Variants in ACD observed in about 807,000 individuals in gnomAD.
ACD encodes ACD shelterin complex subunit and telomerase recruitment factor, also known as adrenocortical dysplasia protein homolog.
Under a neutral mutation model 53.9 loss-of-function variants are expected in ACD, and 39 were observed. The observed-to-expected ratio is 0.72, with a 90% CI of 0.56 to 0.95. The LOEUF is 0.95. Among genes scored for constraint, ACD ranks in the 40% least tolerant of loss-of-function variants. The probability of loss-of-function intolerance (pLI) is 0.00; values close to 1 mark genes in which losing one functional copy is unlikely to be tolerated. For missense variants in ACD, 526 were observed against 587.9 expected (o/e 0.89, Z 1.09); for synonymous variants, 273 against 249.2 (o/e 1.10, Z -0.90).
At position 67,659,234 on chromosome 16, in the gene ACD, T is replaced by G; in HGVS notation, c.488A>C (p.Asn163Thr). Reference sequence around the variant, plus strand: ...CTGGTCAAGCTCTACAGTACCTGCATTGGACGAGGTGGACTCTGAAAGGTG... The same window carrying G: ...CTGGTCAAGCTCTACAGTACCTGCAGTGGACGAGGTGGACTCTGAAAGGTG... ...EEHLSESTSSNAGLSLSQLLD... is the reference protein window; with the variant it reads ...EEHLSESTSSTAGLSLSQLLD... Residue 163 changes from asparagine to threonine, a missense_variant, in exon 6 of 12, where the codon AAT (asparagine) becomes ACT (threonine). Physicochemically the swap from Asn to Thr is moderately conservative, Grantham distance 65 (BLOSUM62 0). Transcript: ENST00000620761. 6.2e-7 allele frequency: 1 copy of G among 1,614,098 alleles called. No individual in the cohort carries two copies. Among genetic ancestry groups the G allele is most frequent in the Non-Finnish European group, 8.5e-7 (1 of 1,180,000 alleles).
chr16:67,659,356 A>G lies in ACD; in HGVS notation c.458+19T>C. On this transcript the variant is annotated intron_variant, in intron 5 of 11. Coordinates refer to ENST00000620761, the MANE Select transcript of ACD (RefSeq NM_001082486.2). ...CTCACCAAACAACACGTGGCCCCCG[A>G]GCCCAACCCCAGACTCACTCAAGGC... is the stretch of plus-strand genomic sequence containing the variant. The G allele has an allele frequency of 6.2e-7, 1 of 1,614,050 alleles. No homozygotes were observed. Among genetic ancestry groups the G allele is most frequent in the Non-Finnish European group, 8.5e-7 (1 of 1,180,000 alleles).
intron 9 of ACD, 46 bp from the exon 10 acceptor site, chr16:67,658,408 G>A: frequency 2.5e-6 from 4 of 1,612,184 alleles, no homozygotes; most frequent in Non-Finnish European, 3.4e-6. Context: ...CTCCGCTCAG[G>A]GCAGCTGAGT....
In ACD at chr16:67,657,814, A is replaced by G. The variant is rs780478139; in HGVS notation, c.1246T>C (p.Tyr416His). ...KRHRDGSAFQ[Y>H]EYEPPCTSLC... ...GACGTGCAGGGTGGCTCATACTCAT[A>G]CTGGAAGGCAGAACCATCACGATGC... The change falls in exon 11 of 12, where the codon TAT becomes CAT. Residue 416 changes from tyrosine (Y) to histidine (H), a missense_variant. Physicochemically the swap from Tyr to His is moderately conservative, Grantham distance 83. Transcript: ENST00000620761. The surrounding 1 kb of genome is among the most constrained non-coding windows in gnomAD (Gnocchi z 4.5). The G allele has an allele frequency of 3.7e-6, 6 of 1,614,088 alleles. No individual in the cohort carries two copies. The highest frequency in any genetic ancestry group is 4.2e-6 in the Non-Finnish European group (5 of 1,180,024).
Position 67,659,709 on chromosome 16 carries a change from C to T in ACD, c.329G>A (p.Gly110Asp), listed in dbSNP as rs1243751913. ...GGCAGTCTCACCACTCACCGCGCCG[C>T]CCTCAGCGACCTGGACATGAACCCC... ...DCGVHVQVAE[G>D]GAPAEFYLQV... Residue 110 changes from glycine to aspartate, a missense_variant, in exon 3 of 12, where the codon GGC (glycine) becomes GAC (aspartate). Transcript: ENST00000620761. The T allele has an allele frequency of 1.9e-6, 3 of 1,613,384 alleles. No homozygotes were observed. Among genetic ancestry groups the T allele is most frequent in the Admixed American group, 1.7e-5 (1 of 60,024 alleles).
In ACD at chr16:67,658,587, A is replaced by G. The variant is rs762991329; in HGVS notation, c.797T>C (p.Ile266Thr). 1.9e-6 allele frequency: 3 copies of G among 1,573,826 alleles called. No homozygotes were observed. The highest frequency in any genetic ancestry group is 1.2e-5 in the South Asian group (1 of 84,092). The change falls in exon 9 of 12, where the codon ATA becomes ACA. Residue 266 changes from isoleucine to threonine, a missense_variant. By Grantham distance (89) the Ile-to-Thr change is moderately conservative. Transcript: ENST00000620761. ...PALQDLSLTLIASPPSSPSSS... is the reference protein window; with the variant it reads ...PALQDLSLTLTASPPSSPSSS... ...ACTGGGTGAGGAAGGAGGAGAGGCTATGAGGGTCAGAGATAGGTCCTGCAG... is the reference window on the plus strand; with the variant it reads ...ACTGGGTGAGGAAGGAGGAGAGGCTGTGAGGGTCAGAGATAGGTCCTGCAG...
At position 67,658,067 on chromosome 16, in the gene ACD, A is replaced by C. The variant is rs772867895; in HGVS notation, c.1125T>G (p.Phe375Leu). The C allele has an allele frequency of 1.2e-5, 19 of 1,559,264 alleles. No homozygotes were observed. In the East Asian group the frequency reaches 4.3e-4, roughly 35 times the overall value. ...GCCGATTCTTGCAGGGCAACCCTAC[A>C]AACTCCTTGAACTCCAGGCTAGGTT... ...PQKPSLEFKE[F>L]VGLPCKNRPP... The change falls in exon 10 of 12, where the codon TTT becomes TTG. Residue 375 changes from phenylalanine (F) to leucine (L), a missense_variant. Phe to Leu is a conservative substitution (Grantham distance 22, BLOSUM62 0). Transcript: ENST00000620761.
At position 67,658,074 on chromosome 16, in the gene ACD, T is replaced by C. The variant is rs770685800; in HGVS notation, c.1118A>G (p.Lys373Arg). 2.6e-6 allele frequency: 4 copies of C among 1,563,240 alleles called. No homozygotes were observed. Among genetic ancestry groups the C allele is most frequent in the East Asian group, 2.2e-5 (1 of 44,590 alleles). The change falls in exon 10 of 12, where the codon AAG (lysine) becomes AGG (arginine). Residue 373 changes from lysine (K) to arginine (R), a missense_variant. Physicochemically the swap from Lys to Arg is conservative, Grantham distance 26. Coordinates refer to ENST00000620761, the MANE Select transcript of ACD (RefSeq NM_001082486.2). ...TRPQKPSLEFKEFVGLPCKNR... is the reference protein window; with the variant it reads ...TRPQKPSLEFREFVGLPCKNR... ...CTTGCAGGGCAACCCTACAAACTCC[T>C]TGAACTCCAGGCTAGGTTTCTGGGG...
In ACD at chr16:67,658,769, C is replaced by T. The variant is rs780267725; in HGVS notation, c.693G>A (p.Glu231=). 2 of 1,613,528 alleles carry T rather than the reference C, an allele frequency of 1.2e-6. No individual in the cohort carries two copies. The highest frequency in any genetic ancestry group is 4.5e-5 in the East Asian group (2 of 44,872). The change falls in exon 8 of 12, where the codon GAG becomes GAA. Residue 231 remains glutamate (E), a synonymous_variant. Transcript: ENST00000620761. The part of the protein sequence containing the change: ...TVPSSMLCIS[E]NDQLILSSLG... ...GAGAGCTCAGAATTAGCTGGTCATTCTCAGAGATGCACAGCATTGAGCTGG... is the reference window on the plus strand; with the variant it reads ...GAGAGCTCAGAATTAGCTGGTCATTTTCAGAGATGCACAGCATTGAGCTGG...
In ACD at chr16:67,658,374, G is replaced by A. The variant is rs748678952; in HGVS notation, c.830-12C>T. ...TAAGGCCGGGGTTCCTGAGGAGGAG[G>A]GGACTTATTGTAGGCACAGCCCTCT... is the stretch of plus-strand genomic sequence containing the variant. On this transcript the variant is annotated splice_polypyrimidine_tract_variant and intron_variant, in intron 9 of 11. Transcript: ENST00000620761. 4.3e-6 allele frequency: 7 copies of A among 1,613,320 alleles called. No individual in the cohort carries two copies. Among genetic ancestry groups the A allele is most frequent in the African/African-American group, 1.3e-5 (1 of 74,936 alleles).
In ACD at chr16:67,658,836, T is replaced by C; in HGVS notation, c.646-20A>G. The C allele has an allele frequency of 6.2e-7, 1 of 1,605,870 alleles. No individual in the cohort carries two copies. Among genetic ancestry groups the C allele is most frequent in the South Asian group, 1.1e-5 (1 of 90,554 alleles). The stretch of plus-strand genomic sequence containing the variant: ...TTCTCCCTGTGGGACATGAACTCTG[T>C]AGGACAGGCCCGTTTACTCTCATGT... On this transcript the variant is annotated intron_variant, in intron 7 of 11. Transcript: ENST00000620761.
In ACD at chr16:67,658,626, G is replaced by A. The variant is rs752205833; in HGVS notation, c.758C>T (p.Pro253Leu). 2.5e-6 allele frequency: 4 copies of A among 1,578,366 alleles called. No individual in the cohort carries two copies. The highest frequency in any genetic ancestry group is 3.4e-6 in the Non-Finnish European group (4 of 1,161,264). ...TAGGTCCTGCAGAGCCGGGTCTGGT[G>A]GGGGCAGCTCAGGGCCTGGGGGGTT... The part of the protein sequence containing the change: ...CQRTQGPELP[P>L]PDPALQDLSL... The change falls in exon 9 of 12, where the codon CCA becomes CTA. Residue 253 changes from proline to leucine, a missense_variant. Transcript: ENST00000620761.
intron 5 of ACD, 22 bp from the exon 6 acceptor site, chr16:67,659,285 G>C (rs760871431): frequency 1.9e-6 from 3 of 1,614,138 alleles, no homozygotes; most frequent in Non-Finnish European, 2.5e-6. Context: ...GAGTGGCCAG[G>C]ACTCAGGAAC....
intron 5 of ACD, 36 bp from the exon 6 acceptor site, chr16:67,659,299 G>C (rs1357640458): frequency 6.2e-7 from 1 of 1,614,078 alleles, no homozygotes; most frequent in Non-Finnish European, 8.5e-7. Flanking sequence ...CAGGAACCAT[G>C]CTGAGGCCTG....
rs1597767023 is a variant in ACD, at chr16:67,657,688, G to A, written c.1299-4C>T. ...GGCCATGAGCTGGGGAGGAAGCCTG[G>A]AAAGAAACCACCGCTGCAGGTCAAT... On this transcript the variant is annotated splice_polypyrimidine_tract_variant and splice_region_variant and intron_variant, in intron 11 of 11. Coordinates refer to ENST00000620761, the MANE Select transcript of ACD (RefSeq NM_001082486.2). The surrounding 1 kb of genome is among the most constrained non-coding windows in gnomAD (Gnocchi z 4.5). 6 of 1,614,142 alleles carry A rather than the reference G, an allele frequency of 3.7e-6. No individual in the cohort carries two copies.
chr16:67,658,177 A>T lies in ACD; in HGVS notation c.1015T>A (p.Ser339Thr), dbSNP rs775917290. The change falls in exon 10 of 12, where the codon TCC (serine) becomes ACC (threonine). Residue 339 changes from serine (S) to threonine (T), a missense_variant. Ser to Thr is a moderately conservative substitution (Grantham distance 58, BLOSUM62 1). Coordinates refer to ENST00000620761, the MANE Select transcript of ACD (RefSeq NM_001082486.2). ...RSPHASRTPS[S>T]PLQSCTPSLS... ...CTGGGAGTGCAGCTCTGGAGTGGGG[A>T]GCTGGGGGTACGGCTGGCGTGTGGG... 1.2e-6 allele frequency: 2 copies of T among 1,610,088 alleles called. No homozygotes were observed. Among genetic ancestry groups the T allele is most frequent in the African/African-American group, 2.7e-5 (2 of 74,672 alleles).
chr16:67,659,530 C>T lies in ACD; in HGVS notation c.413+7G>A, dbSNP rs1017802690. The stretch of plus-strand genomic sequence containing the variant: ...GAGAGCTGCTGGAGGGCGGAGGCAT[C>T]ACTTACCAACCAGGCACCCGTAGCC... On this transcript the variant is annotated splice_region_variant and intron_variant, in intron 4 of 11. Transcript: ENST00000620761. The T allele has an allele frequency of 6.2e-7, 1 of 1,613,124 alleles. No individual in the cohort carries two copies. The highest frequency in any genetic ancestry group is 8.5e-7 in the Non-Finnish European group (1 of 1,179,400).
In ACD at chr16:67,660,217, C is replaced by A; in HGVS notation, c.4G>T (p.Ala2Ser). The change falls in exon 1 of 12, where the codon GCA becomes TCA. Residue 2 changes from alanine to serine, a missense_variant. Physicochemically the swap from Ala to Ser is moderately conservative, Grantham distance 99 (BLOSUM62 1). Transcript: ENST00000620761. ...CGTAGGACCAGCCTCCCCGAACCTG[C>A]CATCCCCACGGCTACACCCAGCGGA... is the stretch of plus-strand genomic sequence containing the variant. M[A>S]GSGRLVLRPW... The A allele has an allele frequency of 6.2e-7, 1 of 1,612,744 alleles. No homozygotes were observed. The highest frequency in any genetic ancestry group is 8.5e-7 in the Non-Finnish European group (1 of 1,179,914).
chr16:67,660,091 C>T (rs1251574005), intron 1 of ACD, 31 bp downstream of exon 1: 13 of 1,611,622 alleles, frequency 8.1e-6, no homozygotes, highest in Non-Finnish European at 1.1e-5. Context: ...GGGCCTCCGC[C>T]TCGGTCTCCG....
Position 67,657,935 on chromosome 16 carries a change from A to G in ACD, c.1206+51T>C, listed in dbSNP as rs748577050. The stretch of plus-strand genomic sequence containing the variant: ...GCTACCCATGCTCCCTCCCAGCTCT[A>G]CCTCAGGCCTTCCTTGTTCTACCCT... On this transcript the variant is annotated intron_variant, in intron 10 of 11. Coordinates refer to ENST00000620761, the MANE Select transcript of ACD (RefSeq NM_001082486.2). This position sits in a 1 kb window ranked among gnomAD's most constrained non-coding sequence, Gnocchi z 4.5. 7 of 1,605,314 alleles carry G rather than the reference A, an allele frequency of 4.4e-6. No individual in the cohort carries two copies. The African/African-American group carries it at 5.3e-5, about 12-fold the overall frequency.
Sources: allele counts gnomAD v4.1 joint callset, GRCh38; gene constraint gnomAD v4.1.1; non-coding constraint Gnocchi (gnomAD v3.1); transcripts MANE v1.5; gene names NCBI Gene and HGNC (gene_info 2026-07-23, HGNC 2026-07-21).